The following HEMK1 variants were observed in gnomAD, a reference collection of about 807,000 sequenced individuals.
HEMK1 encodes the protein MTRF1L release factor glutamine methyltransferase.
A neutral mutation model predicts 47.9 loss-of-function variants in HEMK1; 36 were observed. The ratio of observed to expected loss-of-function variants is 0.75; its 90% CI spans 0.58 to 0.99. The LOEUF is 0.99. HEMK1 is among the 50% of genes least tolerant of loss of function. HEMK1 has a pLI of 0.00. For synonymous variants in HEMK1, 153 were observed against 165.4 expected (o/e 0.93, Z 0.57); for missense variants, 383 against 434.5 (o/e 0.88, Z 1.05).
In HEMK1 at chr3:50,582,634, G is replaced by A. The variant is rs750627847; in HGVS notation, c.*2217G>A. The stretch of plus-strand genomic sequence containing the variant: ...GCATTTTTCCTTGCCTTCCTCGGAG[G>A]GCAGACACAGGGAGGAAGGACCCAG... On this transcript the variant is annotated 3_prime_UTR_variant, in exon 11 of 11. Coordinates refer to ENST00000232854, the MANE Select transcript of HEMK1 (RefSeq NM_016173.5). 3.3e-5 allele frequency: 5 copies of A among 152,246 alleles called. No homozygotes were observed. Among genetic ancestry groups the A allele is most frequent in the African/African-American group, 9.7e-5 (4 of 41,446 alleles). The allele number at this position is 152,246 out of a possible 1,614,324, so 9.4% of individuals were successfully genotyped here. A position where few individuals can be genotyped will look rare whatever the true frequency, so the allele number is the denominator to read the frequency against.
rs1381071435 is a variant in HEMK1 at position 50,577,091 on chromosome 3, T to TC, written c.457dup (p.His153ProfsTer39). The TC allele has an allele frequency of 6.2e-7, 1 of 1,613,846 alleles. No homozygotes were observed. Among genetic ancestry groups the TC allele is most frequent in the Non-Finnish European group, 8.5e-7 (1 of 1,179,986 alleles). On this transcript the variant is annotated frameshift_variant, in exon 5 of 11. Coordinates refer to ENST00000232854, the MANE Select transcript of HEMK1 (RefSeq NM_016173.5). LOFTEE classifies it high-confidence loss of function. Reference sequence around the variant, plus strand: ...GGTGCTGGAAGAGGTGGCCCAGAGGTCCCATGCTGTGGGATCCCCAGGCAG... The same window carrying TC: ...GGTGCTGGAAGAGGTGGCCCAGAGGTCCCCATGCTGTGGGATCCCCAGGCAG...
chr3:50,577,223 G>A (rs571535331), intron 5 of HEMK1, 37 bp downstream of exon 5: 1 of 1,584,034 alleles, frequency 6.3e-7, no homozygotes, highest in East Asian at 2.2e-5. Flanking sequence ...GACTGTGACT[G>A]ACACTCACTG....
Position 50,591,660 on chromosome 3 carries a change from GCA to G in HEMK1, c.*11245_*11246del, listed in dbSNP as rs1186461949. ...GAAACCAAGCCAGGGTTGCATGCATGCACGTGTGTGTGTGTGTGTGTGTGTGT... is the reference window on the plus strand; with the variant it reads ...GAAACCAAGCCAGGGTTGCATGCATGCGTGTGTGTGTGTGTGTGTGTGTGT... On this transcript the variant is annotated 3_prime_UTR_variant, in exon 11 of 11. Transcript: ENST00000232854. 6.7e-6 allele frequency: 1 copy of G among 149,998 alleles called. No individual in the cohort carries two copies. The highest frequency in any genetic ancestry group is 1.5e-5 in the Non-Finnish European group (1 of 68,682). 9.3% of individuals were successfully genotyped at this position (149,998 alleles called of 1,614,324 possible).
rs746160082 is a variant in HEMK1, at chr3:50,583,259, C to T, written c.*2842C>T. 5 of 152,224 alleles carry T rather than the reference C, an allele frequency of 3.3e-5. No individual in the cohort carries two copies. The highest frequency in any genetic ancestry group is 5.9e-5 in the Non-Finnish European group (4 of 68,046). The allele number at this position is 152,224 out of a possible 1,614,324, so 9.4% of individuals were successfully genotyped here. ...AGTGGGTTTCTCCATGGGTCTCATA[C>T]AGCTGCCTTATTGAAATAGGCCCCG... On this transcript the variant is annotated 3_prime_UTR_variant, in exon 11 of 11. Coordinates refer to ENST00000232854, the MANE Select transcript of HEMK1 (RefSeq NM_016173.5).
chr3:50,581,932 G>T lies in HEMK1; in HGVS notation c.*1515G>T, dbSNP rs1026161539. Reference sequence around the variant, plus strand: ...AGGCTGCTCCAGAAGGAACCTGGGTGGGGAGGGCGAAGGGGGTGCACAACC... The same window carrying T: ...AGGCTGCTCCAGAAGGAACCTGGGTTGGGAGGGCGAAGGGGGTGCACAACC... On this transcript the variant is annotated 3_prime_UTR_variant, in exon 11 of 11. Coordinates refer to ENST00000232854, the MANE Select transcript of HEMK1 (RefSeq NM_016173.5). 6 of 152,430 alleles carry T rather than the reference G, an allele frequency of 3.9e-5. No individual in the cohort carries two copies. Among genetic ancestry groups the T allele is most frequent in the African/African-American group, 1.4e-4 (6 of 41,456 alleles). The allele number at this position is 152,430 out of a possible 1,614,324, so 9.4% of individuals were successfully genotyped here.
In HEMK1 at chr3:50,580,570, A is replaced by T. The variant is rs2030668072; in HGVS notation, c.*153A>T. On this transcript the variant is annotated 3_prime_UTR_variant, in exon 11 of 11. Coordinates refer to ENST00000232854, the MANE Select transcript of HEMK1 (RefSeq NM_016173.5). ...TCTAGGATATTTCTAGGACACCTGG[A>T]TTGGCTCCATCACATCAGAGTGGCT... 1.3e-6 allele frequency: 1 copy of T among 778,730 alleles called. No individual in the cohort carries two copies. The highest frequency in any genetic ancestry group is 2.5e-5 in the Admixed American group (1 of 40,280). 48.2% of individuals were successfully genotyped at this position (778,730 alleles called of 1,614,324 possible). A position where few individuals can be genotyped will look rare whatever the true frequency, so the allele number is the denominator to read the frequency against.
Position 50,570,973 on chromosome 3 carries a change from C to T in HEMK1, c.-132C>T. 1.6e-6 allele frequency: 1 copy of T among 618,400 alleles called. No individual in the cohort carries two copies. Among genetic ancestry groups the T allele is most frequent in the South Asian group, 2.3e-5 (1 of 43,068 alleles). 38.3% of individuals were successfully genotyped at this position (618,400 alleles called of 1,614,324 possible). A position where few individuals can be genotyped will look rare whatever the true frequency, so the allele number is the denominator to read the frequency against. On this transcript the variant is annotated 5_prime_UTR_variant, in exon 2 of 11. Coordinates refer to ENST00000232854, the MANE Select transcript of HEMK1 (RefSeq NM_016173.5). The stretch of plus-strand genomic sequence containing the variant: ...TCTGAGGACCAGAGCCATTTTGGGG[C>T]ACCAGAGCTTGTGACCTCTCCATCT...
chr3:50,574,302 A>G (rs1211774683), intron 4 of HEMK1, among the ~76,000 whole-genome samples: 2 of 152,136 alleles, frequency 1.3e-5, no homozygotes, highest in African/African-American at 2.4e-5. Flanking sequence ...CTAGGAGGAG[A>G]AGAGAAAGTT....
intron 5 of HEMK1, 27 bp from the exon 6 acceptor site, chr3:50,577,482 C>G: frequency 6.2e-7 from 1 of 1,610,364 alleles, no homozygotes. Context: ...TTGCCTTCCA[C>G]ATATCCTCTG....
intron 4 of HEMK1, among the ~76,000 whole-genome samples, chr3:50,574,717 T>C (rs2097268516): frequency 6.6e-6 from 1 of 152,180 alleles, no homozygotes; most frequent in South Asian, 2.1e-4. Flanking sequence ...CCTTGCAGGC[T>C]AAGCTTGCCA....
At chr3:50,571,604 G>A (rs1700968794) in intron 2 of HEMK1, 106 bp from the exon 3 acceptor site, 1 of 1,052,216 alleles carries the variant, frequency 9.5e-7, no homozygotes, top group South Asian at 1.3e-5. Flanking sequence ...ATGATGAGAG[G>A]GTTGGGCCTC....
intron 7 of HEMK1, 68 bp downstream of exon 7, chr3:50,577,943 C>T: frequency 7.0e-7 from 1 of 1,432,196 alleles, no homozygotes; most frequent in Non-Finnish European, 9.9e-7. Flanking sequence ...GGATGAGGCA[C>T]TCCGTGGAGA....
At chr3:50,575,951 C>T (rs1701547024) in intron 4 of HEMK1, among the ~76,000 whole-genome samples, 1 of 152,246 alleles carries the variant, frequency 6.6e-6, no homozygotes. Context: ...CAGGCAGTGG[C>T]TGGGTAGGCA....
In HEMK1 at chr3:50,571,803, T is replaced by G. The variant is rs1700996063; in HGVS notation, c.320+2T>G. ...GCTGAGTAGCCGTCGATTGCAGAGGTGAGCACCCATGGATCAGACCTGAAG... is the reference window on the plus strand; with the variant it reads ...GCTGAGTAGCCGTCGATTGCAGAGGGGAGCACCCATGGATCAGACCTGAAG... On this transcript the variant is annotated splice_donor_variant, in intron 3 of 10. Coordinates refer to ENST00000232854, the MANE Select transcript of HEMK1 (RefSeq NM_016173.5). LOFTEE classifies it high-confidence loss of function. 1.2e-6 allele frequency: 2 copies of G among 1,613,148 alleles called. No homozygotes were observed. The highest frequency in any genetic ancestry group is 3.3e-5 in the Admixed American group (2 of 60,022).
At chr3:50,578,707 C>T in intron 7 of HEMK1, 114 bp from the exon 8 acceptor site, 1 of 694,976 alleles carries the variant, frequency 1.4e-6, no homozygotes. Flanking sequence ...TTATCAGATC[C>T]AGAGGCAGGC....
intron 4 of HEMK1, among the ~76,000 whole-genome samples, chr3:50,574,224 C>T (rs1026087701): frequency 6.6e-6 from 1 of 152,226 alleles, no homozygotes; most frequent in African/African-American, 2.4e-5. Context: ...GTGCCCTGAG[C>T]CTGTGACCAG....
Position 50,577,098 on chromosome 3 carries a change from C to T in HEMK1, c.461C>T (p.Ala154Val). The T allele has an allele frequency of 1.9e-6, 3 of 1,613,908 alleles. No individual in the cohort carries two copies. Among genetic ancestry groups the T allele is most frequent in the Non-Finnish European group, 2.5e-6 (3 of 1,179,914 alleles). Residue 154 changes from alanine (A) to valine (V), a missense_variant, in exon 5 of 11, where the codon GCT (alanine) becomes GTT (valine). Transcript: ENST00000232854. ...GAAGAGGTGGCCCAGAGGTCCCATG[C>T]TGTGGGATCCCCAGGCAGCCCCCTC... ...VLEEVAQRSH[A>V]VGSPGSPLIL...
At position 50,594,971 on chromosome 3, in the gene HEMK1, C is replaced by A. The variant is rs1163527269; in HGVS notation, c.*14554C>A. 1 of 151,126 alleles carries A rather than the reference C, an allele frequency of 6.6e-6. No individual in the cohort carries two copies. 9.4% of individuals were successfully genotyped at this position (151,126 alleles called of 1,614,324 possible). On this transcript the variant is annotated 3_prime_UTR_variant, in exon 11 of 11. Transcript: ENST00000232854. ...CTGGAGTGCAGTGGCGTGATCTTGG[C>A]TTACTGCAACCTCTGCCTCCCAGGT...
intron 2 of HEMK1, 137 bp downstream of exon 2, chr3:50,571,469 G>A (rs1700950183): frequency 8.6e-6 from 6 of 698,438 alleles, no homozygotes; most frequent in Non-Finnish European, 1.5e-5. Flanking sequence ...TTAGCGCCTG[G>A]CACACACTGT....
Sources: gnomAD v4.1 joint callset for allele counts (sites outside exome capture counted in the v4.1 genomes callset) on GRCh38, gnomAD v4.1.1 for gene constraint, MANE v1.5 for transcripts, NCBI Gene and HGNC (gene_info 2026-07-23, HGNC 2026-07-21) for gene names.